POLI: variants seen among roughly 807,000 people sequenced by gnomAD.
POLI encodes RAD30 homolog B.
Under a neutral mutation model 51.6 loss-of-function variants are expected in POLI, and 58 were observed. That is an observed-to-expected ratio of 1.12 (90% CI 0.91 to 1.40). The LOEUF (loss-of-function observed/expected upper bound fraction) is 1.40. Among genes scored for constraint, POLI ranks in the 40% most tolerant of loss-of-function variants. The pLI, the probability that POLI is intolerant of heterozygous loss-of-function variation, is 0.00. For synonymous variants in POLI, 322 were observed against 299.7 expected (o/e 1.07, Z -0.77); for missense variants, 921 against 871.3 (o/e 1.06, Z -0.72).
At position 54,286,790 on chromosome 18, in the gene POLI, A is replaced by C. The variant is rs1046978418; in HGVS notation, c.1068-491A>C. ...AAAACCACCTCTCTACTAAAAATAC[A>C]AAAATTAGCCAGGTGTGGTCACACA... On this transcript the variant is annotated intron_variant, in intron 7 of 9. Transcript: ENST00000579534. Among the ~76,000 whole-genome samples, 13 of 152,258 alleles carry C rather than the reference A, an allele frequency of 8.5e-5. No homozygotes were observed. The East Asian group carries it at 2.5e-3, about 29-fold the overall frequency.
intron 9 of POLI, 131 bp from the exon 10 acceptor site, chr18:54,293,515 GAAC>G: frequency 1.7e-6 from 1 of 602,828 alleles, no homozygotes; most frequent in Non-Finnish European, 2.8e-6. Context: ...TAGTTGTTTG[GAAC>G]TGGCCACAAA....
chr18:54,282,287 C>G (rs1393147298), intron 5 of POLI, among the ~76,000 whole-genome samples: 2 of 152,058 alleles, frequency 1.3e-5, no homozygotes, highest in African/African-American at 2.4e-5. Context: ...TTGGCTGTCT[C>G]TGTATTCATT....
intron 3 of POLI, among the ~76,000 whole-genome samples, chr18:54,276,070 A>C (rs182381215): frequency 6.6e-6 from 1 of 152,144 alleles, no homozygotes; most frequent in Admixed American, 6.5e-5. Context: ...AGTTGATACC[A>C]AGAAAGAGGT....
At chr18:54,291,623 C>T in intron 8 of POLI, 3 of 315,860 alleles carry the variant, frequency 9.5e-6, no homozygotes, top group Non-Finnish European at 5.7e-6. Flanking sequence ...ATTTTCTGAC[C>T]ATATCAGTGT....
intron 8 of POLI, 97 bp from the exon 9 acceptor site, chr18:54,291,736 G>A (rs1174823454): frequency 3.4e-6 from 2 of 596,342 alleles, no homozygotes; most frequent in East Asian, 5.8e-5. Flanking sequence ...AAGATGCCCA[G>A]TGATATTTAG....
Position 54,280,916 on chromosome 18 carries a change from T to C in POLI, c.796+13T>C, listed in dbSNP as rs1193759623. On this transcript the variant is annotated intron_variant, in intron 5 of 9. Transcript: ENST00000579534. ...AAGGAAATACCTGGTAAGACAAATATATTTGAAAAGTACATATACGTCTTA... is the reference window on the plus strand; with the variant it reads ...AAGGAAATACCTGGTAAGACAAATACATTTGAAAAGTACATATACGTCTTA... 12 of 1,399,646 alleles carry C rather than the reference T, an allele frequency of 8.6e-6. No individual in the cohort carries two copies. The highest frequency in any genetic ancestry group is 1.4e-5 in the African/African-American group (1 of 70,448). The allele number at this position is 1,399,646 out of a possible 1,614,324, so 86.7% of individuals were successfully genotyped here. A position where few individuals can be genotyped will look rare whatever the true frequency, so the allele number is the denominator to read the frequency against.
chr18:54,307,745 T>G (rs1027987086), intron 3 of POLI, among the ~76,000 whole-genome samples: 1 of 152,206 alleles, frequency 6.6e-6, no homozygotes, highest in Non-Finnish European at 1.5e-5. Context: ...CACTAAGGAC[T>G]TGCTTTATGA....
rs747390462 is a variant in POLI at position 54,280,825 on chromosome 18, C to A, written c.718C>A (p.Pro240Thr). 4 of 1,613,634 alleles carry A rather than the reference C, an allele frequency of 2.5e-6. No individual in the cohort carries two copies. The highest frequency in any genetic ancestry group is 3.4e-6 in the Non-Finnish European group (4 of 1,179,664). The change falls in exon 5 of 10, where the codon CCA becomes ACA. Residue 240 changes from proline (P) to threonine (T), a missense_variant. By Grantham distance (38) the Pro-to-Thr change is conservative. Coordinates refer to ENST00000579534, the MANE Select transcript of POLI (RefSeq NM_007195.3). ...LAKLVSGVFK[P>T]NQQTVLLPES... ...AAAATTAGTTTCTGGTGTCTTTAAA[C>A]CAAATCAACAAACAGTCTTATTACC...
Position 54,294,112 on chromosome 18 carries a change from A to G in POLI, c.1868A>G (p.Tyr623Cys). 3.1e-6 allele frequency: 5 copies of G among 1,608,300 alleles called. No individual in the cohort carries two copies. The highest frequency in any genetic ancestry group is 4.3e-6 in the Non-Finnish European group (5 of 1,175,080). ...ATGTCTAGCCAAAAGGATTATTCAT[A>G]TTATTTAGATAATAGATTAAAAGAT... ...SYMSSQKDYSYYLDNRLKDER... is the reference protein window; with the variant it reads ...SYMSSQKDYSCYLDNRLKDER... The change falls in exon 10 of 10, where the codon TAT (tyrosine) becomes TGT (cysteine). Residue 623 changes from tyrosine (Y) to cysteine (C), a missense_variant. Coordinates refer to ENST00000579534, the MANE Select transcript of POLI (RefSeq NM_007195.3).
At chr18:54,315,994 C>T (rs2088730239) in intron 3 of POLI, among the ~76,000 whole-genome samples, 1 of 151,978 alleles carries the variant, frequency 6.6e-6, no homozygotes, top group Non-Finnish European at 1.5e-5. Flanking sequence ...TAGCTCACTG[C>T]AGGCTTGAAC....
At position 54,296,144 on chromosome 18, in the gene POLI, G is replaced by A. The variant is rs1380323603; in HGVS notation, c.*1677G>A. 7 of 981,926 alleles carry A rather than the reference G, an allele frequency of 7.1e-6. No individual in the cohort carries two copies. In the African/African-American group the frequency reaches 1.2e-4, roughly 17 times the overall value. 60.8% of individuals were successfully genotyped at this position (981,926 alleles called of 1,614,324 possible). On this transcript the variant is annotated 3_prime_UTR_variant, in exon 10 of 10. Transcript: ENST00000579534. Reference sequence around the variant, plus strand: ...TAAGGTAATTAAACTTATGAAAAGGGTATATAACTTTTTGTAAATCATTAA... The same window carrying A: ...TAAGGTAATTAAACTTATGAAAAGGATATATAACTTTTTGTAAATCATTAA...
Position 54,277,734 on chromosome 18 carries a change from G to C in POLI, c.438G>C (p.Glu146Asp), listed in dbSNP as rs2087311289. 2 of 1,606,140 alleles carry C rather than the reference G, an allele frequency of 1.2e-6. No homozygotes were observed. The highest frequency in any genetic ancestry group is 1.7e-6 in the Non-Finnish European group (2 of 1,174,004). ...TGGAAGAATTTAGTCCAGTTGTTGA[G>C]AGACTTGGATTTGATGAAAATTTTG... ...ELLEEFSPVV[E>D]RLGFDENFVD... The change falls in exon 4 of 10, where the codon GAG becomes GAC. Residue 146 changes from glutamate (E) to aspartate (D), a missense_variant. Glu to Asp is a conservative substitution (Grantham distance 45, BLOSUM62 2). Transcript: ENST00000579534.
intron 1 of POLI, chr18:54,270,669 A>G (rs1161103375): frequency 6.7e-6 from 1 of 150,014 alleles, no homozygotes; most frequent in Non-Finnish European, 1.5e-5. Flanking sequence ...ATTGTATTGT[A>G]TTTTGCCTGT....
In POLI at chr18:54,269,584, G is replaced by GT; in HGVS notation, c.38_39insT (p.Gly14ArgfsTer29). On this transcript the variant is annotated frameshift_variant, in exon 1 of 10. Coordinates refer to ENST00000579534, the MANE Select transcript of POLI (RefSeq NM_007195.3). LOFTEE classifies it high-confidence loss of function. ...GGGGTGGAGCCGGAGGAGGAAGGCG[G>GT]CGGCGACGACGACGAGGAAGACGCC... 3.5e-6 allele frequency: 5 copies of GT among 1,417,252 alleles called. No individual in the cohort carries two copies. Among genetic ancestry groups the GT allele is most frequent in the Non-Finnish European group, 4.5e-6 (5 of 1,099,188 alleles). 87.8% of individuals were successfully genotyped at this position (1,417,252 alleles called of 1,614,324 possible).
intron 3 of POLI, among the ~76,000 whole-genome samples, chr18:54,312,987 T>C (rs188722119): frequency 1.1e-4 from 16 of 152,350 alleles, no homozygotes; most frequent in African/African-American, 3.1e-4. Flanking sequence ...TTGTTTTCAT[T>C]GTAATTGCTT....
At chr18:54,312,513 G>T (rs376337855) in intron 3 of POLI, among the ~76,000 whole-genome samples, 1 of 152,110 alleles carries the variant, frequency 6.6e-6, no homozygotes, top group South Asian at 2.1e-4. Flanking sequence ...TGATTGTTCA[G>T]TTCTTTGAGG....
chr18:54,287,350 C>T lies in POLI; in HGVS notation c.1137C>T (p.His379=), dbSNP rs750423750. Reference sequence around the variant, plus strand: ...TCCGTCGGTATTCCTCTGAGAAGCACTATGGTCGTGAGAGTCGTCAGTGCC... The same window carrying T: ...TCCGTCGGTATTCCTCTGAGAAGCATTATGGTCGTGAGAGTCGTCAGTGCC... The part of the protein sequence containing the change: ...LIIRRYSSEK[H]YGRESRQCPI... The change falls in exon 8 of 10, where the codon CAC becomes CAT. Residue 379 remains histidine, a synonymous_variant. Coordinates refer to ENST00000579534, the MANE Select transcript of POLI (RefSeq NM_007195.3). 2 of 1,600,020 alleles carry T rather than the reference C, an allele frequency of 1.2e-6. No homozygotes were observed. The highest frequency in any genetic ancestry group is 1.7e-6 in the Non-Finnish European group (2 of 1,170,550).
intron 7 of POLI, among the ~76,000 whole-genome samples, chr18:54,285,457 GC>G (rs1289382109): frequency 6.6e-6 from 1 of 151,512 alleles, no homozygotes; most frequent in Admixed American, 6.6e-5. Flanking sequence ...CACACCACGG[GC>G]CCTTATTTCA....
In POLI at chr18:54,294,153, G is replaced by A. The variant is rs1411267287; in HGVS notation, c.1909G>A (p.Gly637Arg). ...NRLKDERISQ[G>R]PKEPQGFHFT... ...ATTAAAAGATGAACGAATAAGTCAA[G>A]GACCTAAAGAACCTCAAGGATTCCA... The change falls in exon 10 of 10, where the codon GGA becomes AGA. Residue 637 changes from glycine (G) to arginine (R), a missense_variant. Coordinates refer to ENST00000579534, the MANE Select transcript of POLI (RefSeq NM_007195.3). 1.9e-6 allele frequency: 3 copies of A among 1,611,360 alleles called. No homozygotes were observed. The highest frequency in any genetic ancestry group is 2.7e-5 in the African/African-American group (2 of 74,846).
Sources: allele counts gnomAD v4.1 joint callset (sites outside exome capture counted in the v4.1 genomes callset), GRCh38; gene constraint gnomAD v4.1.1; transcripts MANE v1.5; gene names NCBI Gene and HGNC (gene_info 2026-07-23, HGNC 2026-07-21).